Variants in ATF6 observed in about 807,000 individuals in gnomAD.
ATF6 encodes the protein activating transcription factor 6, also known as cyclic AMP-dependent transcription factor ATF-6 alpha.
Under a neutral mutation model 83.6 loss-of-function variants are expected in ATF6, and 53 were observed. The ratio of observed to expected loss-of-function variants is 0.63; its 90% CI spans 0.51 to 0.80. The LOEUF is 0.80. Ranked by LOEUF, ATF6 falls within the 30% of genes least tolerant of loss-of-function variation. The pLI is 0.00. For missense variants in ATF6, 744 were observed against 797.9 expected (o/e 0.93, Z 0.81); for synonymous variants, 288 against 285.8 (o/e 1.01, Z -0.08).
At chr1:161,855,159 G>T (rs1236767336) in intron 12 of ATF6, among the ~76,000 whole-genome samples, 2 of 152,136 alleles carry the variant, frequency 1.3e-5, no homozygotes, top group Admixed American at 6.5e-5. Flanking sequence ...AAAATTAGTA[G>T]TTGCTACATA....
intron 1 of ATF6, among the ~76,000 whole-genome samples, chr1:161,769,209 A>G (rs892034042): frequency 3.9e-5 from 6 of 152,244 alleles, no homozygotes; most frequent in Admixed American, 6.5e-5. Context: ...AGCTTTATAG[A>G]CACTGAAATT....
chr1:161,937,849 C>G (rs969190355), intron 15 of ATF6, among the ~76,000 whole-genome samples: 15 of 151,376 alleles, frequency 9.9e-5, no homozygotes, highest in Non-Finnish European at 2.2e-4. Flanking sequence ...TGTAACAAAC[C>G]TGCACGTTCT....
At chr1:161,779,938 A>G (rs1222719695) in intron 2 of ATF6, among the ~76,000 whole-genome samples, 1 of 151,994 alleles carries the variant, frequency 6.6e-6, no homozygotes, top group African/African-American at 2.4e-5. Context: ...GGGTTTCACT[A>G]CATTGGCCAG....
intron 9 of ATF6, among the ~76,000 whole-genome samples, chr1:161,831,084 A>G (rs1686047582): frequency 6.6e-6 from 1 of 152,184 alleles, no homozygotes; most frequent in South Asian, 2.1e-4. Context: ...TCTACAAAGA[A>G]CTCAAACAAA....
intron 7 of ATF6, among the ~76,000 whole-genome samples, chr1:161,819,426 C>T (rs1370992775): frequency 1.3e-5 from 2 of 152,096 alleles, no homozygotes; most frequent in African/African-American, 4.8e-5. Flanking sequence ...AATTATTTAA[C>T]ATTTGGGTTT....
At chr1:161,822,088 A>G (rs535417869) in intron 9 of ATF6, among the ~76,000 whole-genome samples, 17 of 152,208 alleles carry the variant, frequency 1.1e-4, no homozygotes, top group Non-Finnish European at 2.4e-4. Context: ...TTTTATGAAG[A>G]AAGACAATAG....
chr1:161,780,805 A>C (rs1349727315), intron 2 of ATF6, among the ~76,000 whole-genome samples: 1 of 151,758 alleles, frequency 6.6e-6, no homozygotes, highest in Non-Finnish European at 1.5e-5. Flanking sequence ...CATCTTTTGG[A>C]CTCAAGCGAT....
At chr1:161,930,688 T>A (rs1688413444) in intron 15 of ATF6, among the ~76,000 whole-genome samples, 2 of 152,174 alleles carry the variant, frequency 1.3e-5, no homozygotes, top group South Asian at 4.1e-4. Context: ...CATTTGGAGA[T>A]GAGAATTTTA....
rs184905349 is a variant in ATF6, at chr1:161,920,546, G to A, written c.1804+8166G>A. 2.4e-3 allele frequency among the ~76,000 whole-genome samples: 369 copies of A among 151,928 alleles called. 3 individuals are homozygous for A. Among genetic ancestry groups the A allele is most frequent in the African/African-American group, 8.4e-3 (349 of 41,426 alleles). ...CCTGACCTCATGATCTGCCCGCCTC[G>A]GCCTCCCAAAGTGCTGGGATTACAG... On this transcript the variant is annotated intron_variant, in intron 15 of 15. Transcript: ENST00000367942.
chr1:161,959,222 A>G lies in ATF6; in HGVS notation c.*568A>G, dbSNP rs1689029780. 6.6e-6 allele frequency: 1 copy of G among 152,290 alleles called. No homozygotes were observed. Among genetic ancestry groups the G allele is most frequent in the Non-Finnish European group, 1.5e-5 (1 of 68,070 alleles). The allele number at this position is 152,290 out of a possible 1,614,324, so 9.4% of individuals were successfully genotyped here. On this transcript the variant is annotated 3_prime_UTR_variant, in exon 16 of 16. Coordinates refer to ENST00000367942, the MANE Select transcript of ATF6 (RefSeq NM_007348.4). ...AGCAAAACAATTTGGAGCTTTAGAT[A>G]AAAGGAAAAACTCCCAGTTGGTAAA...
intron 14 of ATF6, among the ~76,000 whole-genome samples, chr1:161,868,928 T>A (rs1000906674): frequency 6.6e-6 from 1 of 152,118 alleles, no homozygotes; most frequent in Non-Finnish European, 1.5e-5. Flanking sequence ...TTTAAAATTA[T>A]TTGTTGGCAG....
chr1:161,949,589 G>C (rs1260166051), intron 15 of ATF6, among the ~76,000 whole-genome samples: 1 of 152,172 alleles, frequency 6.6e-6, no homozygotes, highest in Non-Finnish European at 1.5e-5. Flanking sequence ...GAAGCATAGT[G>C]CCAGCATCTG....
chr1:161,908,167 A>G (rs1687915224), intron 14 of ATF6, among the ~76,000 whole-genome samples: 1 of 152,066 alleles, frequency 6.6e-6, no homozygotes. Flanking sequence ...TTATAGGGGG[A>G]ATGGGAAGGG....
intron 15 of ATF6, among the ~76,000 whole-genome samples, chr1:161,922,219 G>A (rs1688226417): frequency 6.6e-6 from 1 of 152,200 alleles, no homozygotes; most frequent in South Asian, 2.1e-4. Context: ...AGAACCAGCG[G>A]TGGATTTTCA....
intron 14 of ATF6, 133 bp downstream of exon 14, chr1:161,863,445 A>T: frequency 1.6e-6 from 1 of 632,898 alleles, no homozygotes; most frequent in Non-Finnish European, 2.9e-6. Context: ...TGTGAGTGGA[A>T]CAGTCTAAGT....
intron 2 of ATF6, among the ~76,000 whole-genome samples, chr1:161,781,587 G>C (rs1231471183): frequency 6.6e-6 from 1 of 152,056 alleles, no homozygotes; most frequent in Admixed American, 6.5e-5. Context: ...AATGTATTTT[G>C]CTGGATTTCC....
chr1:161,794,592 C>T (rs1196794806), intron 6 of ATF6, among the ~76,000 whole-genome samples: 3 of 151,746 alleles, frequency 2.0e-5, no homozygotes, highest in East Asian at 1.9e-4. Context: ...GGGATTAAGG[C>T]GTGAGCCACC....
chr1:161,774,406 T>TACACAC (rs60069049), intron 1 of ATF6, among the ~76,000 whole-genome samples: 32 of 148,426 alleles, frequency 2.2e-4, no homozygotes, highest in South Asian at 4.3e-4. Context: ...TATGGATATG[T>TACACAC]ACACACACAC....
At chr1:161,910,336 G>A (rs568450717) in intron 14 of ATF6, among the ~76,000 whole-genome samples, 1 of 152,264 alleles carries the variant, frequency 6.6e-6, no homozygotes, top group East Asian at 1.9e-4. Flanking sequence ...ACCCCAGTTT[G>A]CAAACCTTTA....
Sources: gnomAD v4.1 joint callset for allele counts (sites outside exome capture counted in the v4.1 genomes callset) on GRCh38, gnomAD v4.1.1 for gene constraint, MANE v1.5 for transcripts, NCBI Gene and HGNC (gene_info 2026-07-23, HGNC 2026-07-21) for gene names.